CADPS2: variants seen among roughly 807,000 people sequenced by gnomAD.
CADPS2 encodes calcium dependent secretion activator 2, also known as calcium-dependent secretion activator 2.
In CADPS2, 93 loss-of-function variants were observed where a neutral mutation model predicts 172.5. The ratio of observed to expected loss-of-function variants is 0.54; its 90% confidence interval spans 0.46 to 0.64. CADPS2 has a LOEUF of 0.64. Ranked by LOEUF, CADPS2 falls within the 30% of genes least tolerant of loss-of-function variation. The probability of loss-of-function intolerance (pLI) is 0.00; values close to 1 mark genes in which losing one functional copy is unlikely to be tolerated. For synonymous variants in CADPS2, 546 were observed against 555.2 expected (o/e 0.98, Z 0.23); for missense variants, 1,420 against 1,565.9 (o/e 0.91, Z 1.57).
rs981663814 is a variant in CADPS2 at position 122,428,476 on chromosome 7, T to A, written c.2476+9865A>T. Among the ~76,000 whole-genome samples the A allele has an allele frequency of 9.6e-4, 142 of 148,266 alleles. 1 individual carries two copies. The highest frequency in any genetic ancestry group is 3.3e-3 in the African/African-American group (133 of 40,628). ...ACATATATATATATATATATATTTT[T>A]TTTTTTTTGAGACGGAGTTTTGCTG... is the stretch of plus-strand genomic sequence containing the variant. On this transcript the variant is annotated intron_variant, in intron 17 of 29. Transcript: ENST00000449022.
chr7:122,701,964 C>T (rs1267185137), intron 2 of CADPS2: 3 of 1,613,522 alleles, frequency 1.9e-6, no homozygotes, highest in East Asian at 2.2e-5. Flanking sequence ...TTGTATGTGT[C>T]AAAGCAAACA....
intron 28 of CADPS2, among the ~76,000 whole-genome samples, chr7:122,339,431 G>A (rs961561544): frequency 2.0e-5 from 3 of 152,050 alleles, no homozygotes; most frequent in Admixed American, 1.3e-4. Context: ...TCTATTTAAT[G>A]GTCACTCTTA....
intron 2 of CADPS2, among the ~76,000 whole-genome samples, chr7:122,726,313 T>C (rs756851961): frequency 3.3e-5 from 5 of 152,018 alleles, no homozygotes; most frequent in Admixed American, 6.6e-5. Context: ...AAACCAATAG[T>C]GTACTAGGAA....
At chr7:122,613,219 A>C (rs1270100949) in intron 6 of CADPS2, among the ~76,000 whole-genome samples, 4 of 152,160 alleles carry the variant, frequency 2.6e-5, no homozygotes, top group Admixed American at 6.6e-5. Context: ...CAAAATACAA[A>C]TCAAGAAAGT....
chr7:122,790,226 G>A (rs1201951082), intron 1 of CADPS2, among the ~76,000 whole-genome samples: 1 of 151,602 alleles, frequency 6.6e-6, no homozygotes, highest in Non-Finnish European at 1.5e-5. Flanking sequence ...AGGAGTCCCT[G>A]TGTCTACAGA....
At chr7:122,673,304 A>T (rs1214629843) in intron 2 of CADPS2, among the ~76,000 whole-genome samples, 2 of 152,216 alleles carry the variant, frequency 1.3e-5, no homozygotes, top group South Asian at 2.1e-4. Flanking sequence ...CCCCATCCAC[A>T]TCCTGCAGAT....
Position 122,360,825 on chromosome 7 carries a change from A to G in CADPS2, c.3472-5T>C. ...ATATTTTGCAGCTGCTTTCACCTTA[A>G]GTGTGAAAGAAAGAGATAATCATGA... is the stretch of plus-strand genomic sequence containing the variant. On this transcript the variant is annotated splice_polypyrimidine_tract_variant and splice_region_variant and intron_variant, in intron 26 of 29. Coordinates refer to ENST00000449022, the MANE Select transcript of CADPS2 (RefSeq NM_017954.11). 6.4e-7 allele frequency: 1 copy of G among 1,571,336 alleles called. No homozygotes were observed. The highest frequency in any genetic ancestry group is 1.9e-5 in the Admixed American group (1 of 53,168).
intron 2 of CADPS2, among the ~76,000 whole-genome samples, chr7:122,712,841 G>C (rs939792849): frequency 3.3e-5 from 5 of 151,910 alleles, no homozygotes; most frequent in African/African-American, 1.2e-4. Flanking sequence ...AAGAGTAAGG[G>C]GGTCTCTCTC....
intron 18 of CADPS2, 109 bp from the exon 19 acceptor site, chr7:122,414,185 G>A (rs888258105): frequency 3.9e-5 from 25 of 639,618 alleles, no homozygotes; most frequent in East Asian, 6.1e-5. Flanking sequence ...TCAGTATATC[G>A]TATAGTGATA....
At chr7:122,431,772 C>T (rs901862174) in intron 17 of CADPS2, among the ~76,000 whole-genome samples, 5 of 151,932 alleles carry the variant, frequency 3.3e-5, no homozygotes, top group Admixed American at 2.0e-4. Flanking sequence ...GGGTGGATCA[C>T]GAGGTCAGGG....
At chr7:122,406,194 A>G (rs1361651852) in intron 20 of CADPS2, among the ~76,000 whole-genome samples, 1 of 152,170 alleles carries the variant, frequency 6.6e-6, no homozygotes, top group Non-Finnish European at 1.5e-5. Context: ...CACAGACTCA[A>G]AGAGGTGAAC....
At chr7:122,342,761 T>C (rs1459383976) in intron 28 of CADPS2, among the ~76,000 whole-genome samples, 1 of 152,108 alleles carries the variant, frequency 6.6e-6, no homozygotes, top group African/African-American at 2.4e-5. Context: ...ATGTTTTCAC[T>C]TGCATCTGAA....
At chr7:122,742,528 G>C (rs186663744) in intron 1 of CADPS2, among the ~76,000 whole-genome samples, 304 of 152,232 alleles carry the variant, frequency 2.0e-3, no homozygotes, top group Non-Finnish European at 2.2e-3. Context: ...TAGATAGACT[G>C]ATCACCATTC....
At chr7:122,643,764 A>G (rs2077966870) in intron 3 of CADPS2, among the ~76,000 whole-genome samples, 1 of 151,968 alleles carries the variant, frequency 6.6e-6, no homozygotes, top group African/African-American at 2.4e-5. Flanking sequence ...GGGGAGATGA[A>G]AAGAGTGAGG....
intron 17 of CADPS2, among the ~76,000 whole-genome samples, chr7:122,436,186 G>T (rs927390193): frequency 1.3e-5 from 2 of 152,006 alleles, no homozygotes; most frequent in Non-Finnish European, 2.9e-5. Context: ...TGATGAACAG[G>T]TTTATGCTAT....
chr7:122,389,214 A>G (rs1377034984), intron 22 of CADPS2, among the ~76,000 whole-genome samples: 1 of 152,024 alleles, frequency 6.6e-6, no homozygotes, highest in African/African-American at 2.4e-5. Context: ...AGGGTCCTTG[A>G]ATTTCTCAAT....
chr7:122,340,768 C>T (rs1277087547), intron 28 of CADPS2, among the ~76,000 whole-genome samples: 1 of 150,112 alleles, frequency 6.7e-6, no homozygotes. Context: ...AAATCTTTGT[C>T]ATACTTTTTA....
Position 122,436,969 on chromosome 7 carries a change from C to T in CADPS2, c.2476+1372G>A, listed in dbSNP as rs562362437. 9.2e-5 allele frequency among the ~76,000 whole-genome samples: 14 copies of T among 152,130 alleles called. No homozygotes were observed. The South Asian group carries it at 2.3e-3, about 25-fold the overall frequency. The stretch of plus-strand genomic sequence containing the variant: ...CTTACAGGTTTTTTTGGGTAGAGTA[C>T]ATAACATTTACATAAAACAATATGG... On this transcript the variant is annotated intron_variant, in intron 17 of 29. Coordinates refer to ENST00000449022, the MANE Select transcript of CADPS2 (RefSeq NM_017954.11).
At chr7:122,677,834 G>C (rs1252740941) in intron 2 of CADPS2, among the ~76,000 whole-genome samples, 1 of 152,124 alleles carries the variant, frequency 6.6e-6, no homozygotes. Context: ...AGCTGGAAGG[G>C]CCAATGAGTA....
Sources: gnomAD v4.1 joint callset for allele counts (sites outside exome capture counted in the v4.1 genomes callset) on GRCh38, gnomAD v4.1.1 for gene constraint, MANE v1.5 for transcripts, NCBI Gene and HGNC (gene_info 2026-07-23, HGNC 2026-07-21) for gene names.